Variants in PNISR observed in about 807,000 individuals in gnomAD.
The protein encoded by PNISR is PNN interacting serine and arginine rich protein.
In PNISR, 20 loss-of-function variants were observed where a neutral mutation model predicts 93.4. The ratio of observed to expected loss-of-function variants is 0.21; its 90% CI spans 0.15 to 0.31. The LOEUF (loss-of-function observed/expected upper bound fraction) is 0.31, where lower values mean the gene tolerates loss of function less well. Among genes scored for constraint, PNISR ranks in the 10% least tolerant of loss-of-function variants. The probability of loss-of-function intolerance (pLI) is 1.00; values close to 1 mark genes in which losing one functional copy is unlikely to be tolerated. For missense variants in PNISR, 893 were observed against 985.4 expected, an observed-to-expected ratio of 0.91 and a Z score of 1.25; for synonymous variants, 305 against 306.5, an observed-to-expected ratio of 0.99 and a Z score of 0.05.
chr6:99,416,273 G>A (rs957920217), intron 2 of PNISR, 76 bp downstream of exon 2: 10 of 460,990 alleles, frequency 2.2e-5, no homozygotes, highest in Admixed American at 8.8e-5. Flanking sequence ...AAGTAACTTC[G>A]CTTACAACTT....
intron 1 of PNISR, among the ~76,000 whole-genome samples, chr6:99,423,900 A>AT (rs1329842155): frequency 7.2e-5 from 11 of 152,112 alleles, no homozygotes; most frequent in Non-Finnish European, 1.5e-4. Context: ...TCTTCTCCCT[A>AT]TGTCTTCACA....
At chr6:99,415,720 T>A (rs1351212341) in intron 2 of PNISR, 1 of 152,162 alleles carries the variant, frequency 6.6e-6, no homozygotes, top group African/African-American at 2.4e-5. Context: ...ACTAAATGAA[T>A]CCTTCTAGAT....
In PNISR at chr6:99,410,749, C is replaced by T. The variant is rs1776807512; in HGVS notation, c.493G>A (p.Asp165Asn). ...NFAVGPVNQFDYQHGAAFGPP... is the reference protein window; with the variant it reads ...NFAVGPVNQFNYQHGAAFGPP... ...AACAAAATATCTTTCACCTGATAGT[C>T]AAACTGGTTCACTGGCCCCACTGCA... is the stretch of plus-strand genomic sequence containing the variant. The change falls in exon 5 of 12, where the codon GAC becomes AAC. Residue 165 changes from aspartate to asparagine, a missense_variant. Asp to Asn is a conservative substitution (Grantham distance 23). Around this residue, in one of 3 missense-constraint regions of PNISR, gnomAD observed 866 missense variants for 935.1 expected, o/e 0.93. Transcript: ENST00000369239. 6.2e-7 allele frequency: 1 copy of T among 1,612,346 alleles called. No homozygotes were observed. The highest frequency in any genetic ancestry group is 1.7e-5 in the Admixed American group (1 of 59,930).
Position 99,402,691 on chromosome 6 carries a change from T to A in PNISR, c.1176A>T (p.Gly392=). ...TCCTCTCATCTTCACTGTCTCCTGA[T>A]CCATAACCACCCAGTCCACCTGTGT... is the stretch of plus-strand genomic sequence containing the variant. ...LTGLGGLGGY[G]SGDSEDERSD... Residue 392 remains glycine (G), a synonymous_variant, in exon 11 of 12, where the codon GGA becomes GGT. Coordinates refer to ENST00000369239, the MANE Select transcript of PNISR (RefSeq NM_032870.4). 1 of 1,602,138 alleles carries A rather than the reference T, an allele frequency of 6.2e-7. No individual in the cohort carries two copies. The highest frequency in any genetic ancestry group is 8.5e-7 in the Non-Finnish European group (1 of 1,172,188).
At position 99,403,834 on chromosome 6, in the gene PNISR, C is replaced by T. The variant is rs1301367123; in HGVS notation, c.1151G>A (p.Gly384Glu). ...CAAATATGGAAAACACTTACCGAGT[C>T]CAGTGAGGGAAGCCAGTGCACTGGA... ...AQSSALASLT[G>E]LGGLGGYGSG... The change falls in exon 10 of 12, where the codon GGA becomes GAA. Residue 384 changes from glycine (G) to glutamate (E), a missense_variant. Physicochemically the swap from Gly to Glu is moderately conservative, Grantham distance 98. Coordinates refer to ENST00000369239, the MANE Select transcript of PNISR (RefSeq NM_032870.4). 6.2e-7 allele frequency: 1 copy of T among 1,612,598 alleles called. No homozygotes were observed. Among genetic ancestry groups the T allele is most frequent in the South Asian group, 1.1e-5 (1 of 90,990 alleles).
chr6:99,410,862 T>C lies in PNISR; in HGVS notation c.380A>G (p.Asn127Ser). 1 of 1,614,088 alleles carries C rather than the reference T, an allele frequency of 6.2e-7. No homozygotes were observed. The highest frequency in any genetic ancestry group is 8.5e-7 in the Non-Finnish European group (1 of 1,179,976). Residue 127 changes from asparagine (N) to serine (S), a missense_variant, in exon 5 of 12, where the codon AAC (asparagine) becomes AGC (serine). Transcript: ENST00000369239. ...MDIVPPSEDS[N>S]SQDSGEFAPD... ...GGCAAATTCCCCACTGTCCTGACTG[T>C]TGCTGTCTTCAGAAGGAGGAACAAT... is the stretch of plus-strand genomic sequence containing the variant.
rs1164130663 is a variant in PNISR at position 99,410,487 on chromosome 6, T to A, written c.501+254A>T. 3 of 457,144 alleles carry A rather than the reference T, an allele frequency of 6.6e-6. No individual in the cohort carries two copies. The East Asian group carries it at 1.1e-4, about 17-fold the overall frequency. The allele number at this position is 457,144 out of a possible 1,614,324, so 28.3% of individuals were successfully genotyped here. A position where few individuals can be genotyped will look rare whatever the true frequency, so the allele number is the denominator to read the frequency against. ...TAGAAAATAAAACATCATATAGCTA[T>A]TGCACTTATACATTTTTAATTTTTT... is the stretch of plus-strand genomic sequence containing the variant. On this transcript the variant is annotated intron_variant, in intron 5 of 11. Coordinates refer to ENST00000369239, the MANE Select transcript of PNISR (RefSeq NM_032870.4).
rs144018677 is a variant in PNISR, at chr6:99,400,901, C to T, written c.2057G>A (p.Arg686His). ...TTTCTCTTTTCTTTTATCCTGTTCACGTTCCCTTTCTTTGTCTTTCTTTTT... is the reference window on the plus strand; with the variant it reads ...TTTCTCTTTTCTTTTATCCTGTTCATGTTCCCTTTCTTTGTCTTTCTTTTT... ...DRKKKDKERE[R>H]EQDKRKEKQK... The change falls in exon 12 of 12, where the codon CGT (arginine) becomes CAT (histidine). Residue 686 changes from arginine to histidine, a missense_variant. Physicochemically the swap from Arg to His is conservative, Grantham distance 29. Around this residue, in one of 3 missense-constraint regions of PNISR, gnomAD observed 866 missense variants for 935.1 expected, o/e 0.93. Transcript: ENST00000369239. 1,058 of 1,568,610 alleles carry T rather than the reference C, an allele frequency of 6.7e-4. No homozygotes were observed. The highest frequency in any genetic ancestry group is 8.5e-4 in the Non-Finnish European group (967 of 1,142,030).
intron 4 of PNISR, 84 bp from the exon 5 acceptor site, chr6:99,411,048 T>A (rs1271159596): frequency 1.8e-5 from 18 of 1,015,416 alleles, no homozygotes; most frequent in Non-Finnish European, 2.7e-5. Context: ...AGAAAGATTT[T>A]TCAGTAAACA....
chr6:99,415,464 T>C (rs1205636158), intron 2 of PNISR: 1 of 152,208 alleles, frequency 6.6e-6, no homozygotes. Context: ...TTTATGTTAA[T>C]AACTATTAAT....
chr6:99,400,455 A>C lies in PNISR; in HGVS notation c.*85T>G, dbSNP rs950003780. ...ATCAAGTACCAAACTGAGTTTATTA[A>C]AGAGAGAGAGAAAGGACACTTTCAA... On this transcript the variant is annotated 3_prime_UTR_variant, in exon 12 of 12. Transcript: ENST00000369239. 6.7e-7 allele frequency: 1 copy of C among 1,496,262 alleles called. No homozygotes were observed. Among genetic ancestry groups the C allele is most frequent in the East Asian group, 2.3e-5 (1 of 43,924 alleles). The allele number at this position is 1,496,262 out of a possible 1,614,324, so 92.7% of individuals were successfully genotyped here. A position where few individuals can be genotyped will look rare whatever the true frequency, so the allele number is the denominator to read the frequency against.
intron 11 of PNISR, among the ~76,000 whole-genome samples, chr6:99,402,097 A>T (rs1309222810): frequency 6.6e-6 from 1 of 152,230 alleles, no homozygotes; most frequent in African/African-American, 2.4e-5. Context: ...TAAGTGGTTT[A>T]TAGAGAAGTC....
chr6:99,421,934 C>T (rs766036778), intron 1 of PNISR, among the ~76,000 whole-genome samples: 3 of 151,566 alleles, frequency 2.0e-5, no homozygotes, highest in East Asian at 1.9e-4. Context: ...AGTGTGATCT[C>T]GGCTTACGGC....
At chr6:99,420,639 T>C (rs1005131083) in intron 1 of PNISR, among the ~76,000 whole-genome samples, 2 of 152,226 alleles carry the variant, frequency 1.3e-5, no homozygotes, top group Admixed American at 6.5e-5. Flanking sequence ...TGGATACATA[T>C]TTTAAATTTC....
chr6:99,409,380 TAATAC>T (rs1776592928), intron 5 of PNISR, 36 bp from the exon 6 acceptor site: 2 of 1,583,412 alleles, frequency 1.3e-6, no homozygotes, highest in Non-Finnish European at 1.7e-6. Context: ...TTCTTCAAAT[TAATAC>T]AATATACTCT....
rs1562220881 is a variant in PNISR at position 99,400,093 on chromosome 6, G to GT, written c.*446dup. 1 of 154,530 alleles carries GT rather than the reference G, an allele frequency of 6.5e-6. No individual in the cohort carries two copies. The highest frequency in any genetic ancestry group is 6.6e-5 in the Admixed American group (1 of 15,192). The allele number at this position is 154,530 out of a possible 1,614,324, so 9.6% of individuals were successfully genotyped here. A position where few individuals can be genotyped will look rare whatever the true frequency, so the allele number is the denominator to read the frequency against. On this transcript the variant is annotated 3_prime_UTR_variant, in exon 12 of 12. Coordinates refer to ENST00000369239, the MANE Select transcript of PNISR (RefSeq NM_032870.4). The stretch of plus-strand genomic sequence containing the variant: ...ATGCACTATATTTTTTGAAAAAAAC[G>GT]TAATACAAAGAAATCCTATTAAGTA...
chr6:99,401,311 A>C lies in PNISR; in HGVS notation c.1647T>G (p.Ser549=), dbSNP rs375101953. The change falls in exon 12 of 12, where the codon TCT becomes TCG. Residue 549 remains serine, a synonymous_variant. Transcript: ENST00000369239. ...SSGSSRTSSR[S]SSPKRKKRHS... is the part of the protein sequence containing the mutation. Reference sequence around the variant, plus strand: ...GTCTCTTTTTCCTTTTAGGAGAAGAAGACCGAGAAGAAGTACGACTACTAC... The same window carrying C: ...GTCTCTTTTTCCTTTTAGGAGAAGACGACCGAGAAGAAGTACGACTACTAC... 4.3e-5 allele frequency: 70 copies of C among 1,613,990 alleles called. No homozygotes were observed. The highest frequency in any genetic ancestry group is 2.3e-4 in the African/African-American group (17 of 74,938).
Position 99,401,093 on chromosome 6 carries a change from C to T in PNISR, c.1865G>A (p.Arg622His), listed in dbSNP as rs775324951. The change falls in exon 12 of 12, where the codon CGC (arginine) becomes CAC (histidine). Residue 622 changes from arginine (R) to histidine (H), a missense_variant. Transcript: ENST00000369239. The stretch of plus-strand genomic sequence containing the variant: ...ACGATTGGTTCGTCTATCCCTTGAG[C>T]GACTTCTACTTCTACGTCTCTCTCG... ...PSRERRRSRS[R>H]SRDRRTNRAS... 8 of 1,613,516 alleles carry T rather than the reference C, an allele frequency of 5.0e-6. No individual in the cohort carries two copies. Among genetic ancestry groups the T allele is most frequent in the Middle Eastern group, 1.6e-4 (1 of 6,084 alleles).
At chr6:99,415,509 G>C (rs982266494) in intron 2 of PNISR, 1 of 152,096 alleles carries the variant, frequency 6.6e-6, no homozygotes, top group Non-Finnish European at 1.5e-5. Flanking sequence ...CATCACACTA[G>C]CCCAACTTTT....
Sources: gnomAD v4.1 joint callset for allele counts (sites outside exome capture counted in the v4.1 genomes callset) on GRCh38, gnomAD v4.1.1 for gene constraint, gnomAD v4.1.1 regional missense constraint, MANE v1.5 for transcripts, NCBI Gene and HGNC (gene_info 2026-07-23, HGNC 2026-07-21) for gene names.